DOCK2: variants seen among roughly 807,000 people sequenced by gnomAD.
DOCK2 encodes dedicator of cytokinesis protein 2.
Under a neutral mutation model 248.9 loss-of-function variants are expected in DOCK2, and 87 were observed. The ratio of observed to expected loss-of-function variants is 0.35; its 90% CI spans 0.29 to 0.42. The LOEUF (loss-of-function observed/expected upper bound fraction) is 0.42, where lower values mean the gene tolerates loss of function less well. Ranked by LOEUF, DOCK2 falls within the 10% of genes least tolerant of loss-of-function variation. The pLI is 1.00. For missense variants in DOCK2, 1,747 were observed against 2,300.2 expected (o/e 0.76, Z 4.92); for synonymous variants, 805 against 821.6 (o/e 0.98, Z 0.35).
intron 1 of DOCK2, among the ~76,000 whole-genome samples, chr5:169,647,238 C>T (rs529281012): frequency 3.9e-5 from 6 of 152,148 alleles, no homozygotes; most frequent in South Asian, 2.1e-4. Context: ...AGGTGCTCAG[C>T]GGCTGCTGAT....
intron 27 of DOCK2, chr5:169,864,201 C>A: frequency 7.4e-7 from 1 of 1,345,928 alleles, no homozygotes; most frequent in Non-Finnish European, 1.0e-6. Context: ...CAGGGCAGGC[C>A]TTAAGTGCAG....
At chr5:169,938,580 A>G (rs1235024557) in intron 27 of DOCK2, among the ~76,000 whole-genome samples, 2 of 152,252 alleles carry the variant, frequency 1.3e-5, no homozygotes, top group Non-Finnish European at 2.9e-5. Context: ...TGTACAGGAC[A>G]CTTGCCATGA....
At chr5:169,847,658 C>T (rs142742503) in intron 27 of DOCK2, among the ~76,000 whole-genome samples, 1 of 152,208 alleles carries the variant, frequency 6.6e-6, no homozygotes, top group Admixed American at 6.5e-5. Flanking sequence ...TTCTCTTTTT[C>T]TATCTCCCAA....
intron 27 of DOCK2, chr5:169,884,693 A>C (rs1772867709): frequency 6.6e-6 from 1 of 152,374 alleles, no homozygotes; most frequent in African/African-American, 2.4e-5. Flanking sequence ...GTGTTGGCCG[A>C]AGTTCACATG....
chr5:169,702,293 T>A lies in DOCK2; in HGVS notation c.1259-10T>A. On this transcript the variant is annotated splice_polypyrimidine_tract_variant and intron_variant, in intron 13 of 51. Coordinates refer to ENST00000520908, the MANE Select transcript of DOCK2 (RefSeq NM_004946.3). ...ACACTAACTCTTGTCTCTCTCTCCC[T>A]CTGCCTCAGGGGATGTCAGGAACGA... 2 of 1,613,322 alleles carry A rather than the reference T, an allele frequency of 1.2e-6. No individual in the cohort carries two copies. Among genetic ancestry groups the A allele is most frequent in the Non-Finnish European group, 1.7e-6 (2 of 1,179,514 alleles).
At chr5:169,659,558 G>C (rs1581401468) in intron 2 of DOCK2, among the ~76,000 whole-genome samples, 2 of 152,134 alleles carry the variant, frequency 1.3e-5, no homozygotes, top group African/African-American at 4.8e-5. Context: ...AATGAAGAGG[G>C]AAAACAGGAC....
chr5:169,897,525 G>A (rs1432223937), intron 27 of DOCK2, among the ~76,000 whole-genome samples: 1 of 152,140 alleles, frequency 6.6e-6, no homozygotes, highest in East Asian at 1.9e-4. Flanking sequence ...AAGAGCAAAC[G>A]GAAAGACATG....
intron 30 of DOCK2, among the ~76,000 whole-genome samples, chr5:169,997,133 G>A (rs530472979): frequency 6.0e-4 from 90 of 150,646 alleles, no homozygotes; most frequent in Non-Finnish European, 1.1e-3. Flanking sequence ...AGACCAACAC[G>A]TGAACAAAGG....
chr5:169,865,960 C>G (rs987199556), intron 27 of DOCK2, among the ~76,000 whole-genome samples: 1 of 152,198 alleles, frequency 6.6e-6, no homozygotes, highest in African/African-American at 2.4e-5. Context: ...CCATGCATGA[C>G]GAATGGAGCC....
intron 14 of DOCK2, 138 bp from the exon 15 acceptor site, chr5:169,708,031 G>A: frequency 1.4e-6 from 1 of 735,822 alleles, no homozygotes; most frequent in Non-Finnish European, 2.3e-6. Flanking sequence ...AGCCATTATG[G>A]GCACCTGGCA....
intron 27 of DOCK2, among the ~76,000 whole-genome samples, chr5:169,907,937 C>G (rs1456534795): frequency 6.6e-6 from 1 of 152,208 alleles, no homozygotes; most frequent in Non-Finnish European, 1.5e-5. Flanking sequence ...CTTGTGCAGG[C>G]ACTTCTTGCC....
chr5:170,073,502 T>C (rs1010381154), intron 46 of DOCK2, among the ~76,000 whole-genome samples: 1 of 152,234 alleles, frequency 6.6e-6, no homozygotes, highest in Non-Finnish European at 1.5e-5. Flanking sequence ...CATTGAGATT[T>C]GGATTAATTG....
chr5:169,731,587 A>C (rs1034942387), intron 22 of DOCK2, among the ~76,000 whole-genome samples: 3 of 152,176 alleles, frequency 2.0e-5, no homozygotes, highest in African/African-American at 7.2e-5. Context: ...ACAGACCCTT[A>C]TTCCTCAAAG....
chr5:170,079,041 G>C lies in DOCK2; in HGVS notation c.5061G>C (p.Gly1687=), dbSNP rs2113877852. 6.2e-7 allele frequency: 1 copy of C among 1,614,124 alleles called. No homozygotes were observed. Among genetic ancestry groups the C allele is most frequent in the Non-Finnish European group, 8.5e-7 (1 of 1,180,024 alleles). Residue 1687 remains glycine (G), a synonymous_variant, in exon 49 of 52, where the codon GGG becomes GGC. Transcript: ENST00000520908. ...AGCAGGAGGAACCGATCTCCCCGGG[G>C]AGCACCCTGCCTGAGGTCAAGCTGC... The part of the protein sequence containing the change: ...RVEQEEPISP[G]STLPEVKLRR...
chr5:169,817,269 A>G (rs998506907), intron 26 of DOCK2, among the ~76,000 whole-genome samples: 2 of 152,354 alleles, frequency 1.3e-5, no homozygotes, highest in Middle Eastern at 3.4e-3. Flanking sequence ...TGCTCTTGTC[A>G]TGGTAGGCCT....
intron 27 of DOCK2, among the ~76,000 whole-genome samples, chr5:169,860,181 A>G (rs188652256): frequency 6.6e-6 from 1 of 151,680 alleles, no homozygotes; most frequent in East Asian, 1.9e-4. Context: ...GTTGGTCTCA[A>G]ACTCCTGAGC....
chr5:169,644,949 C>T (rs1177934785), intron 1 of DOCK2, among the ~76,000 whole-genome samples: 6 of 152,140 alleles, frequency 3.9e-5, no homozygotes, highest in Admixed American at 3.9e-4. Context: ...CCAGCTTTAT[C>T]CCTGTCCCTG....
At chr5:169,820,655 C>A (rs1768371563) in intron 26 of DOCK2, among the ~76,000 whole-genome samples, 1 of 152,108 alleles carries the variant, frequency 6.6e-6, no homozygotes, top group African/African-American at 2.4e-5. Flanking sequence ...TAGATAAAAC[C>A]ACAAAGATGG....
intron 27 of DOCK2, among the ~76,000 whole-genome samples, chr5:169,887,523 C>A (rs1773042058): frequency 6.6e-6 from 1 of 152,306 alleles, no homozygotes; most frequent in East Asian, 1.9e-4. Context: ...GTTCACTGAA[C>A]AACCTGGAGA....
Sources: allele counts gnomAD v4.1 joint callset (sites outside exome capture counted in the v4.1 genomes callset), GRCh38; gene constraint gnomAD v4.1.1; transcripts MANE v1.5; gene names NCBI Gene and HGNC (gene_info 2026-07-23, HGNC 2026-07-21).